Variants in CELF2 observed in about 807,000 individuals in gnomAD.
CELF2 encodes the protein CUG triplet repeat RNA-binding protein 2.
A neutral mutation model predicts 62.6 loss-of-function variants in CELF2; 8 were observed. The observed-to-expected ratio is 0.13, with a 90% CI of 0.07 to 0.23. The LOEUF (loss-of-function observed/expected upper bound fraction) is 0.23. CELF2 is among the 10% of genes least tolerant of loss of function. The pLI is 1.00. For missense variants in CELF2, 333 were observed against 671.0 expected (o/e 0.50, Z 5.56); for synonymous variants, 258 against 250.0 (o/e 1.03, Z -0.30).
the CELF2 span, among the ~76,000 whole-genome samples, chr10:10,473,839 A>G: frequency 6.6e-6 from 1 of 152,064 alleles, no homozygotes; most frequent in African/African-American, 2.4e-5. Flanking sequence ...TTCCACTTCT[A>G]GTTTGTCCTC....
chr10:10,695,896 A>G, the CELF2 span, among the ~76,000 whole-genome samples: 2 of 149,762 alleles, frequency 1.3e-5, no homozygotes, highest in Non-Finnish European at 3.0e-5. Flanking sequence ...GTTATTCTAG[A>G]TATACATTCT....
At chr10:10,705,255 C>T in the CELF2 span, among the ~76,000 whole-genome samples, 2 of 151,840 alleles carry the variant, frequency 1.3e-5, no homozygotes, top group Admixed American at 1.3e-4. Context: ...GACTATTCCA[C>T]ATATGAACGT....
At chr10:11,229,031 G>A (rs373553975) in intron 3 of CELF2, among the ~76,000 whole-genome samples, 54 of 152,282 alleles carry the variant, frequency 3.5e-4, no homozygotes, top group Middle Eastern at 3.4e-3. Flanking sequence ...CTAGAAGCAC[G>A]TCCTGTCCAA....
At chr10:10,608,751 T>C in the CELF2 span, among the ~76,000 whole-genome samples, 2 of 151,770 alleles carry the variant, frequency 1.3e-5, no homozygotes, top group Admixed American at 6.6e-5. Flanking sequence ...TATTCAGGAG[T>C]CTAAGGAAAG....
At chr10:11,152,536 T>C (rs1435968277) in intron 1 of CELF2, among the ~76,000 whole-genome samples, 2 of 152,250 alleles carry the variant, frequency 1.3e-5, no homozygotes, top group Non-Finnish European at 2.9e-5. Flanking sequence ...ATTATCCTTT[T>C]AACTTCCCAC....
intron 1 of CELF2, among the ~76,000 whole-genome samples, chr10:11,023,513 C>G (rs2058675365): frequency 6.6e-6 from 1 of 152,176 alleles, no homozygotes; most frequent in Admixed American, 6.5e-5. Flanking sequence ...TTGTTCCATC[C>G]AATATCCTCA....
the CELF2 span, among the ~76,000 whole-genome samples, chr10:10,473,194 T>A: frequency 1.5e-3 from 235 of 152,002 alleles, 1 homozygote; most frequent in African/African-American, 5.3e-3. Flanking sequence ...CCTAATCCAA[T>A]CAGACTGGTG....
intron 2 of CELF2, among the ~76,000 whole-genome samples, chr10:11,210,012 A>G (rs2061420762): frequency 6.6e-6 from 1 of 152,006 alleles, no homozygotes; most frequent in Non-Finnish European, 1.5e-5. Flanking sequence ...ATTCACAGGA[A>G]AAAAAAATAG....
chr10:10,698,461 G>T, the CELF2 span, among the ~76,000 whole-genome samples: 20 of 152,304 alleles, frequency 1.3e-4, no homozygotes, highest in African/African-American at 4.3e-4. Context: ...CAAAGTATTT[G>T]ATATACATAT....
At chr10:10,836,015 A>G (rs1248341865) in intron 1 of CELF2, among the ~76,000 whole-genome samples, 2 of 152,202 alleles carry the variant, frequency 1.3e-5, no homozygotes, top group Admixed American at 1.3e-4. Context: ...AATTTTGGAC[A>G]TGTCAGCGTT....
intron 1 of CELF2, among the ~76,000 whole-genome samples, chr10:11,115,804 T>A (rs2143594413): frequency 6.6e-6 from 1 of 152,340 alleles, no homozygotes; most frequent in African/African-American, 2.4e-5. Flanking sequence ...TTGGTGCTGC[T>A]GGTTGTCAGT....
At chr10:11,174,847 G>A (rs1254030525) in intron 2 of CELF2, among the ~76,000 whole-genome samples, 3 of 152,154 alleles carry the variant, frequency 2.0e-5, no homozygotes, top group Non-Finnish European at 4.4e-5. Context: ...ATAGTTTAAT[G>A]GGAACTGCAT....
At chr10:10,975,625 GTTGA>G (rs1211849204) in intron 2 of CELF2, among the ~76,000 whole-genome samples, 1 of 152,210 alleles carries the variant, frequency 6.6e-6, no homozygotes, top group Non-Finnish European at 1.5e-5. Flanking sequence ...CTTGTAGGTG[GTTGA>G]TTAAGAGGAA....
chr10:11,083,343 A>G (rs1386059986), intron 1 of CELF2, among the ~76,000 whole-genome samples: 1 of 152,206 alleles, frequency 6.6e-6, no homozygotes, highest in African/African-American at 2.4e-5. Flanking sequence ...CTGCTCTGTG[A>G]AAGGGGCTTC....
At chr10:10,986,188 A>C (rs1029422307) in intron 2 of CELF2, among the ~76,000 whole-genome samples, 1 of 152,232 alleles carries the variant, frequency 6.6e-6, no homozygotes, top group Non-Finnish European at 1.5e-5. Context: ...TTTATAAAAA[A>C]AAAAGGTATA....
At chr10:10,788,960 C>T in the CELF2 span, 6 of 152,112 alleles carry the variant, frequency 3.9e-5, no homozygotes, top group African/African-American at 1.4e-4. Flanking sequence ...TTTGTTGCTA[C>T]TGAGTTGTCT....
intron 3 of CELF2, among the ~76,000 whole-genome samples, chr10:11,234,454 G>A (rs1258158630): frequency 6.6e-5 from 10 of 152,242 alleles, no homozygotes; most frequent in Middle Eastern, 3.4e-3. Context: ...AGGCCGAGGC[G>A]GGTGGATCAC....
chr10:10,515,910 G>C, the CELF2 span, among the ~76,000 whole-genome samples: 1 of 152,110 alleles, frequency 6.6e-6, no homozygotes, highest in Non-Finnish European at 1.5e-5. Flanking sequence ...AATTGGCAAC[G>C]TTTTTCTTGC....
At chr10:10,826,318 A>G (rs1396780896) in intron 1 of CELF2, among the ~76,000 whole-genome samples, 1 of 152,232 alleles carries the variant, frequency 6.6e-6, no homozygotes, top group Non-Finnish European at 1.5e-5. Context: ...GCTGTGGTCA[A>G]GATGGACTTC....
Sources: allele counts gnomAD v4.1 joint callset (sites outside exome capture counted in the v4.1 genomes callset), GRCh38; gene constraint gnomAD v4.1.1; transcripts MANE v1.5; gene names NCBI Gene and HGNC (gene_info 2026-07-23, HGNC 2026-07-21).